The following CA10 variants were observed in gnomAD, a reference collection of about 807,000 sequenced individuals.
CA10 encodes carbonic anhydrase 10 (inactive).
A neutral mutation model predicts 44.2 loss-of-function variants in CA10; 14 were observed. The ratio of observed to expected loss-of-function variants is 0.32; its 90% CI spans 0.21 to 0.50. CA10 has a LOEUF of 0.50. Ranked by LOEUF, CA10 falls within the 20% of genes least tolerant of loss-of-function variation. The pLI is 0.99. For missense variants in CA10, 350 were observed against 409.7 expected (o/e 0.85, Z 1.26); for synonymous variants, 159 against 141.6 (o/e 1.12, Z -0.87).
intron 3 of CA10, among the ~76,000 whole-genome samples, chr17:51,815,700 C>T (rs1907539853): frequency 6.6e-6 from 1 of 152,002 alleles, no homozygotes; most frequent in African/African-American, 2.4e-5. Context: ...TCCCTAGATC[C>T]CCAAGAGGTC....
At chr17:51,954,937 A>G (rs1168881847) in intron 2 of CA10, among the ~76,000 whole-genome samples, 1 of 152,146 alleles carries the variant, frequency 6.6e-6, no homozygotes, top group Non-Finnish European at 1.5e-5. Flanking sequence ...GAGTCTGTGT[A>G]ACAGATAATG....
At chr17:51,825,076 G>A (rs1471312366) in intron 3 of CA10, among the ~76,000 whole-genome samples, 2 of 152,216 alleles carry the variant, frequency 1.3e-5, no homozygotes, top group South Asian at 2.1e-4. Flanking sequence ...GCAAGAGGAA[G>A]CGTAAGTCTG....
intron 4 of CA10, among the ~76,000 whole-genome samples, chr17:51,678,086 A>G (rs1455153824): frequency 1.3e-5 from 2 of 152,244 alleles, no homozygotes; most frequent in Admixed American, 6.5e-5. Flanking sequence ...AATACATGCT[A>G]CAATGTGGAT....
At chr17:51,891,775 G>C (rs1980866571) in intron 3 of CA10, among the ~76,000 whole-genome samples, 1 of 152,146 alleles carries the variant, frequency 6.6e-6, no homozygotes, top group South Asian at 2.1e-4. Flanking sequence ...TGCACAGGTA[G>C]CTTTCACTCT....
At chr17:51,879,470 A>G (rs1980262808) in intron 3 of CA10, among the ~76,000 whole-genome samples, 1 of 152,190 alleles carries the variant, frequency 6.6e-6, no homozygotes, top group African/African-American at 2.4e-5. Context: ...CCCATTCAAG[A>G]CAGTGGAGCT....
At chr17:51,895,006 C>A (rs1981009918) in intron 3 of CA10, among the ~76,000 whole-genome samples, 1 of 152,086 alleles carries the variant, frequency 6.6e-6, no homozygotes. Flanking sequence ...AAAGAAAAAT[C>A]TTACAAGCTC....
At chr17:51,796,069 G>T (rs765629345) in intron 3 of CA10, among the ~76,000 whole-genome samples, 22 of 152,152 alleles carry the variant, frequency 1.4e-4, no homozygotes, top group Non-Finnish European at 2.6e-4. Context: ...TGGAACCTGG[G>T]GGTGCTGATT....
intron 3 of CA10, among the ~76,000 whole-genome samples, chr17:51,910,296 A>T (rs1457792890): frequency 6.9e-6 from 1 of 144,304 alleles, no homozygotes; most frequent in East Asian, 2.0e-4. Flanking sequence ...ATTATAAACA[A>T]AATATCCTTC....
At chr17:51,726,808 G>GA (rs1297309476) in intron 4 of CA10, among the ~76,000 whole-genome samples, 5 of 152,208 alleles carry the variant, frequency 3.3e-5, no homozygotes, top group African/African-American at 1.2e-4. Flanking sequence ...GAATGAGCCA[G>GA]AAAAAGACTT....
At chr17:51,931,223 TG>T in intron 2 of CA10, 91 bp from the exon 3 acceptor site, 1 of 1,285,030 alleles carries the variant, frequency 7.8e-7, no homozygotes, top group Non-Finnish European at 1.1e-6. Context: ...CGTGGTAAAA[TG>T]GAAGAGAACC....
intron 3 of CA10, chr17:51,763,249 T>C (rs1370201069): frequency 6.6e-6 from 1 of 152,250 alleles, no homozygotes; most frequent in African/African-American, 2.4e-5. Context: ...GTCTTTAATA[T>C]AGTGAAATGC....
intron 3 of CA10, among the ~76,000 whole-genome samples, chr17:51,760,734 C>T (rs999142956): frequency 6.6e-6 from 1 of 152,114 alleles, no homozygotes; most frequent in East Asian, 1.9e-4. Flanking sequence ...AGAGTCCTGT[C>T]CAATACAGCA....
chr17:51,953,210 CTG>C (rs1370634704), intron 2 of CA10, among the ~76,000 whole-genome samples: 8 of 152,276 alleles, frequency 5.3e-5, no homozygotes, highest in African/African-American at 1.7e-4. Context: ...TTGGTATAAG[CTG>C]TGAGTATGGA....
intron 3 of CA10, among the ~76,000 whole-genome samples, chr17:51,861,734 A>G (rs1227128673): frequency 6.6e-6 from 1 of 152,208 alleles, no homozygotes; most frequent in African/African-American, 2.4e-5. Context: ...TGTTTCCCTC[A>G]TGTCTAGGGA....
intron 3 of CA10, among the ~76,000 whole-genome samples, chr17:51,844,600 A>G (rs1338046230): frequency 1.3e-5 from 2 of 152,222 alleles, no homozygotes; most frequent in Non-Finnish European, 2.9e-5. Context: ...GTCTGTAAAT[A>G]TTCTTATCTC....
chr17:52,094,500 C>A (rs1009870466), intron 1 of CA10, among the ~76,000 whole-genome samples: 8 of 151,996 alleles, frequency 5.3e-5, no homozygotes, highest in Non-Finnish European at 1.0e-4. Context: ...CTAAAGATAT[C>A]ACAAAAGAGT....
intron 3 of CA10, among the ~76,000 whole-genome samples, chr17:51,855,660 G>A (rs923852699): frequency 1.3e-5 from 2 of 152,222 alleles, no homozygotes; most frequent in African/African-American, 4.8e-5. Context: ...GGTAGGTAAT[G>A]CATGAAGGCA....
At chr17:51,673,602 T>A (rs1914507121) in intron 4 of CA10, among the ~76,000 whole-genome samples, 1 of 152,228 alleles carries the variant, frequency 6.6e-6, no homozygotes, top group Non-Finnish European at 1.5e-5. Context: ...GTCCTCTTTA[T>A]ACCCAGTGCT....
intron 3 of CA10, among the ~76,000 whole-genome samples, chr17:51,766,703 A>G (rs545391261): frequency 6.6e-6 from 1 of 152,244 alleles, no homozygotes; most frequent in Non-Finnish European, 1.5e-5. Flanking sequence ...CAGAATCAGG[A>G]TTCTTTCCCT....
Sources: gnomAD v4.1 joint callset for allele counts (sites outside exome capture counted in the v4.1 genomes callset) on GRCh38, gnomAD v4.1.1 for gene constraint, MANE v1.5 for transcripts, NCBI Gene and HGNC (gene_info 2026-07-23, HGNC 2026-07-21) for gene names.